The following CSMD1 variants were observed in gnomAD, a reference collection of about 807,000 sequenced individuals.
The protein encoded by CSMD1 is CUB and sushi domain-containing protein 1.
A neutral mutation model predicts 417.5 loss-of-function variants in CSMD1; 213 were observed. The ratio of observed to expected loss-of-function variants is 0.51; its 90% confidence interval spans 0.46 to 0.57. CSMD1 has a LOEUF of 0.57. CSMD1 is among the 20% of genes least tolerant of loss of function. The pLI, the probability that CSMD1 is intolerant of heterozygous loss-of-function variation, is 0.00. For missense variants in CSMD1, 6,923 were observed against 4,529.7 expected, an observed-to-expected ratio of 1.53 and a Z score of -15.17; for synonymous variants, 2,862 against 1,736.8, an observed-to-expected ratio of 1.65 and a Z score of -16.11.
intron 2 of CSMD1, among the ~76,000 whole-genome samples, chr8:4,610,001 T>A (rs1043932167): frequency 9.2e-5 from 14 of 151,936 alleles, no homozygotes; most frequent in African/African-American, 3.4e-4. Flanking sequence ...CCTATGGGAA[T>A]GACCATTGCT....
intron 3 of CSMD1, among the ~76,000 whole-genome samples, chr8:4,419,194 T>A (rs1177856633): frequency 6.6e-6 from 1 of 152,164 alleles, no homozygotes; most frequent in African/African-American, 2.4e-5. Flanking sequence ...GCTTTTTAAA[T>A]TTACAGACTC....
intron 14 of CSMD1, 127 bp from the exon 15 acceptor site, chr8:3,406,348 G>T (rs1005842254): frequency 2.9e-6 from 2 of 689,150 alleles, no homozygotes; most frequent in African/African-American, 2.2e-5. Flanking sequence ...ATAAATTTCA[G>T]TTGTATCATT....
At chr8:3,376,454 TAAA>T (rs1319975423) in intron 18 of CSMD1, among the ~76,000 whole-genome samples, 1 of 151,986 alleles carries the variant, frequency 6.6e-6, no homozygotes, top group African/African-American at 2.4e-5. Context: ...TTATTCATAA[TAAA>T]AAAGATAATT....
rs80289703 is a variant in CSMD1 at position 3,501,163 on chromosome 8, C to G, written c.1345-7437G>C. ...CATTCAAATAGAGAGACCACTTCTC[C>G]TGATTCAGTTAAACCAAAAGAATCC... On this transcript the variant is annotated intron_variant, in intron 10 of 69. Transcript: ENST00000635120. 2.1e-3 allele frequency among the ~76,000 whole-genome samples: 318 copies of G among 152,242 alleles called. 4 individuals are homozygous for G. The highest frequency in any genetic ancestry group is 7.3e-3 in the African/African-American group (305 of 41,536).
chr8:4,064,479 G>A (rs543054229), intron 3 of CSMD1, among the ~76,000 whole-genome samples: 8 of 152,326 alleles, frequency 5.3e-5, no homozygotes, highest in African/African-American at 1.9e-4. Context: ...TAGCTGTCTA[G>A]AGCTGCATGT....
At chr8:3,205,052 T>A (rs1797177077) in intron 31 of CSMD1, among the ~76,000 whole-genome samples, 1 of 152,142 alleles carries the variant, frequency 6.6e-6, no homozygotes, top group African/African-American at 2.4e-5. Flanking sequence ...TGCTTCTCCG[T>A]CCCTCAGCAC....
At chr8:3,421,454 C>A (rs1813483444) in intron 12 of CSMD1, among the ~76,000 whole-genome samples, 1 of 152,164 alleles carries the variant, frequency 6.6e-6, no homozygotes, top group African/African-American at 2.4e-5. Flanking sequence ...TCATTCTCTA[C>A]CTTATCAAAG....
intron 7 of CSMD1, among the ~76,000 whole-genome samples, chr8:3,699,180 T>G (rs1305285455): frequency 2.0e-5 from 3 of 152,224 alleles, no homozygotes; most frequent in Admixed American, 6.5e-5. Context: ...AATTAGTACA[T>G]TACACTGTGT....
At chr8:3,862,867 T>A (rs1033149225) in intron 5 of CSMD1, among the ~76,000 whole-genome samples, 3 of 152,192 alleles carry the variant, frequency 2.0e-5, no homozygotes, top group Admixed American at 1.3e-4. Flanking sequence ...ATTAGTTTTA[T>A]GCTATTATTA....
At chr8:3,502,426 C>A (rs140684422) in intron 10 of CSMD1, among the ~76,000 whole-genome samples, 1,923 of 150,258 alleles carry the variant, frequency 0.013, 39 homozygotes, top group African/African-American at 0.044. Context: ...ACGTTTATAG[C>A]AACTTTATTC....
chr8:3,252,558 A>C (rs1186417920), intron 26 of CSMD1, among the ~76,000 whole-genome samples: 1 of 152,226 alleles, frequency 6.6e-6, no homozygotes, highest in East Asian at 1.9e-4. Flanking sequence ...CTTTGGTATC[A>C]GGATGATGCT....
At chr8:4,050,820 A>T (rs1161330350) in intron 3 of CSMD1, among the ~76,000 whole-genome samples, 1 of 152,180 alleles carries the variant, frequency 6.6e-6, no homozygotes, top group African/African-American at 2.4e-5. Flanking sequence ...CTTTATCTCA[A>T]GTGCCAATTT....
At chr8:4,481,164 C>A (rs1585145288) in intron 2 of CSMD1, among the ~76,000 whole-genome samples, 1 of 152,212 alleles carries the variant, frequency 6.6e-6, no homozygotes, top group African/African-American at 2.4e-5. Context: ...ATTCCGAATA[C>A]ACATCAGTTC....
chr8:4,623,786 A>G (rs1801924777), intron 2 of CSMD1, among the ~76,000 whole-genome samples: 4 of 152,022 alleles, frequency 2.6e-5, no homozygotes, highest in African/African-American at 9.7e-5. Context: ...TATTTCAAAA[A>G]AGCAAACTAA....
chr8:4,799,289 A>C (rs2117273323), intron 1 of CSMD1, among the ~76,000 whole-genome samples: 1 of 152,308 alleles, frequency 6.6e-6, no homozygotes, highest in Non-Finnish European at 1.5e-5. Context: ...CAATTGGTAA[A>C]GAAGTTTATC....
chr8:4,051,327 T>G (rs973015301), intron 3 of CSMD1, among the ~76,000 whole-genome samples: 1 of 142,826 alleles, frequency 7.0e-6, no homozygotes, highest in South Asian at 2.2e-4. Context: ...AAAAAAGATA[T>G]GTACAAGTAA....
rs560175749 is a variant in CSMD1 at position 4,661,472 on chromosome 8, C to G, written c.86-23914G>C. Reference sequence around the variant, plus strand: ...GAAATGGAGAACAGATTATTCATTGCTATGGGTTAGGCGGTGGGGTCAGGA... The same window carrying G: ...GAAATGGAGAACAGATTATTCATTGGTATGGGTTAGGCGGTGGGGTCAGGA... On this transcript the variant is annotated intron_variant, in intron 1 of 69. Coordinates refer to ENST00000635120, the MANE Select transcript of CSMD1 (RefSeq NM_033225.6). Among the ~76,000 whole-genome samples the G allele has an allele frequency of 2.9e-3, 447 of 152,198 alleles. 1 individual carries two copies. The highest frequency in any genetic ancestry group is 4.6e-3 in the Non-Finnish European group (311 of 68,002).
Position 4,618,586 on chromosome 8 carries a change from A to C in CSMD1, c.302+18756T>G, listed in dbSNP as rs1165331240. ...ACATAGCCTTCTCCTGGATCCAACAAATGAAGGCTTTTGATGTTTTTCTGA... is the reference window on the plus strand; with the variant it reads ...ACATAGCCTTCTCCTGGATCCAACACATGAAGGCTTTTGATGTTTTTCTGA... On this transcript the variant is annotated intron_variant, in intron 2 of 69. Coordinates refer to ENST00000635120, the MANE Select transcript of CSMD1 (RefSeq NM_033225.6). Among the ~76,000 whole-genome samples, 2 of 151,972 alleles carry C rather than the reference A, an allele frequency of 1.3e-5. 1 individual carries two copies. Among genetic ancestry groups the C allele is most frequent in the Non-Finnish European group, 2.9e-5 (2 of 67,974 alleles).
At chr8:4,365,307 G>A (rs1025082351) in intron 3 of CSMD1, among the ~76,000 whole-genome samples, 1 of 152,176 alleles carries the variant, frequency 6.6e-6, no homozygotes, top group African/African-American at 2.4e-5. Flanking sequence ...GATTACACCT[G>A]ATTCTGAAAA....
Sources: gnomAD v4.1 joint callset for allele counts (sites outside exome capture counted in the v4.1 genomes callset) on GRCh38, gnomAD v4.1.1 for gene constraint, MANE v1.5 for transcripts, NCBI Gene and HGNC (gene_info 2026-07-23, HGNC 2026-07-21) for gene names.